Variants in GALNTL6 observed in about 807,000 individuals in gnomAD.
The protein encoded by GALNTL6 is polypeptide N-acetylgalactosaminyltransferase-like 6.
GALNTL6 carries 46 observed loss-of-function variants against 73.7 expected under a neutral mutation model. The observed-to-expected ratio is 0.62, with a 90% CI of 0.49 to 0.80. The LOEUF is 0.80. GALNTL6 is among the 30% of genes least tolerant of loss of function. GALNTL6 has a pLI of 0.00. For synonymous variants in GALNTL6, 259 were observed against 263.7 expected (o/e 0.98, Z 0.17); for missense variants, 604 against 755.0 (o/e 0.80, Z 2.34).
intron 2 of GALNTL6, among the ~76,000 whole-genome samples, chr4:172,048,229 T>C (rs540996295): frequency 6.6e-6 from 1 of 152,278 alleles, no homozygotes; most frequent in African/African-American, 2.4e-5. Context: ...AACATTTTGC[T>C]ATAATATCCC....
chr4:171,880,504 T>C, intron 2 of GALNTL6, among the ~76,000 whole-genome samples: 1 of 152,168 alleles, frequency 6.6e-6, no homozygotes, highest in East Asian at 1.9e-4. Flanking sequence ...CACTGGAGAA[T>C]AGATCACCCA....
At chr4:172,706,452 G>T (rs755704527) in intron 5 of GALNTL6, among the ~76,000 whole-genome samples, 2 of 152,040 alleles carry the variant, frequency 1.3e-5, no homozygotes, top group Non-Finnish European at 2.9e-5. Flanking sequence ...TAGGGTCAGT[G>T]CTGTCTCATT....
At chr4:172,917,397 T>C (rs1030044213) in intron 8 of GALNTL6, among the ~76,000 whole-genome samples, 7 of 152,064 alleles carry the variant, frequency 4.6e-5, no homozygotes, top group Non-Finnish European at 1.0e-4. Flanking sequence ...AATTGACAAA[T>C]GGGATCTAAT....
intron 2 of GALNTL6, among the ~76,000 whole-genome samples, chr4:172,097,723 A>G (rs1732395295): frequency 6.6e-6 from 1 of 152,198 alleles, no homozygotes. Flanking sequence ...CTTCACTCTT[A>G]TTAAGAAAGA....
intron 4 of GALNTL6, among the ~76,000 whole-genome samples, chr4:172,332,089 TG>T (rs1413693583): frequency 6.6e-6 from 1 of 152,120 alleles, no homozygotes; most frequent in Non-Finnish European, 1.5e-5. Context: ...GAAATCTCAG[TG>T]TGGTTTTCAT....
At chr4:172,471,551 A>G (rs1733051854) in intron 5 of GALNTL6, among the ~76,000 whole-genome samples, 1 of 151,754 alleles carries the variant, frequency 6.6e-6, no homozygotes. Context: ...TTTTTTAGCT[A>G]TTGCCCTTTC....
intron 5 of GALNTL6, among the ~76,000 whole-genome samples, chr4:172,792,110 G>A (rs1270541604): frequency 6.6e-6 from 1 of 152,124 alleles, no homozygotes; most frequent in Non-Finnish European, 1.5e-5. Flanking sequence ...GACATTTCAC[G>A]ATGCTTCTAG....
chr4:172,930,153 C>A (rs1281987350), intron 8 of GALNTL6, among the ~76,000 whole-genome samples: 1 of 152,042 alleles, frequency 6.6e-6, no homozygotes, highest in Non-Finnish European at 1.5e-5. Flanking sequence ...TAGCGGGCAC[C>A]TATAATCTCA....
chr4:172,234,877 T>G (rs1160123482), intron 3 of GALNTL6, among the ~76,000 whole-genome samples: 1 of 152,136 alleles, frequency 6.6e-6, no homozygotes, highest in Non-Finnish European at 1.5e-5. Flanking sequence ...AATTATTTCT[T>G]TAGTGATCAT....
chr4:172,327,674 TG>T (rs1740989127), intron 4 of GALNTL6, among the ~76,000 whole-genome samples: 1 of 152,174 alleles, frequency 6.6e-6, no homozygotes, highest in Non-Finnish European at 1.5e-5. Flanking sequence ...TGATATTTGT[TG>T]GTTTAAAGTC....
intron 5 of GALNTL6, among the ~76,000 whole-genome samples, chr4:172,681,226 A>T (rs1468408908): frequency 6.6e-6 from 1 of 152,204 alleles, no homozygotes; most frequent in Non-Finnish European, 1.5e-5. Flanking sequence ...CATGAAGAGT[A>T]AACAGCATCC....
intron 5 of GALNTL6, among the ~76,000 whole-genome samples, chr4:172,417,502 A>C (rs938818982): frequency 6.6e-6 from 1 of 152,152 alleles, no homozygotes; most frequent in Non-Finnish European, 1.5e-5. Flanking sequence ...TACAAAAATT[A>C]GCCGAGCATG....
intron 5 of GALNTL6, chr4:172,669,349 A>G (rs1440852151): frequency 2.0e-5 from 3 of 152,208 alleles, no homozygotes; most frequent in African/African-American, 7.2e-5. Context: ...ACGTTTGAGA[A>G]TTGCCAAAAA....
intron 2 of GALNTL6, among the ~76,000 whole-genome samples, chr4:172,041,633 T>G (rs920771659): frequency 6.6e-6 from 1 of 152,094 alleles, no homozygotes; most frequent in African/African-American, 2.4e-5. Context: ...ATTGCCTACA[T>G]TAGAACTATT....
chr4:172,131,038 TA>T (rs1421611817), intron 2 of GALNTL6, among the ~76,000 whole-genome samples: 2 of 151,958 alleles, frequency 1.3e-5, no homozygotes, highest in African/African-American at 2.4e-5. Context: ...TAAACTTTTT[TA>T]TTTGTTATAT....
rs529905961 is a variant in GALNTL6 at position 172,282,499 on chromosome 4, G to A, written c.248-29115G>A. On this transcript the variant is annotated intron_variant, in intron 3 of 12. Coordinates refer to ENST00000506823, the MANE Select transcript of GALNTL6 (RefSeq NM_001034845.3). ...CTACTTGAGAAACAGAGCAGAGGCC[G>A]GTATAGGTAAACATCCTGAGGTAAG... Among the ~76,000 whole-genome samples the A allele has an allele frequency of 1.3e-4, 20 of 152,140 alleles. No homozygotes were observed. In the South Asian group the frequency reaches 2.7e-3, roughly 21 times the overall value.
chr4:172,503,526 G>GTATATATATATATATATATATATATATA (rs3083398), intron 5 of GALNTL6, among the ~76,000 whole-genome samples: 7 of 85,950 alleles, frequency 8.1e-5, no homozygotes, highest in East Asian at 6.4e-4. Flanking sequence ...ACATAGAGTA[G>GTATATATATATATATATATATATATATA]TATATATATA....
At chr4:172,264,124 A>T (rs62332764) in intron 3 of GALNTL6, among the ~76,000 whole-genome samples, 1 of 151,622 alleles carries the variant, frequency 6.6e-6, no homozygotes, top group African/African-American at 2.4e-5. Context: ...ACAGAGATAA[A>T]GAAGGCCTGG....
intron 2 of GALNTL6, among the ~76,000 whole-genome samples, chr4:172,129,033 G>A (rs750508946): frequency 6.6e-6 from 1 of 152,118 alleles, no homozygotes. Context: ...GCAATTGTTA[G>A]TCTAGCTTAA....
Sources: gnomAD v4.1 joint callset for allele counts (sites outside exome capture counted in the v4.1 genomes callset) on GRCh38, gnomAD v4.1.1 for gene constraint, MANE v1.5 for transcripts, NCBI Gene and HGNC (gene_info 2026-07-23, HGNC 2026-07-21) for gene names.